UNC13C: variants seen among roughly 807,000 people sequenced by gnomAD.
UNC13C encodes unc-13 homolog C.
Under a neutral mutation model 245.4 loss-of-function variants are expected in UNC13C, and 174 were observed. That is an observed-to-expected ratio of 0.71 (90% CI 0.63 to 0.80). UNC13C has a LOEUF of 0.80. Among genes scored for constraint, UNC13C ranks in the 30% least tolerant of loss-of-function variants. The pLI, the probability that UNC13C is intolerant of heterozygous loss-of-function variation, is 0.00. For synonymous variants in UNC13C, 992 were observed against 895.1 expected (o/e 1.11, Z -1.93); for missense variants, 2,829 against 2,602.9 (o/e 1.09, Z -1.89).
chr15:54,103,273 T>C (rs1352005053), intron 2 of UNC13C, among the ~76,000 whole-genome samples: 1 of 152,194 alleles, frequency 6.6e-6, no homozygotes, highest in Non-Finnish European at 1.5e-5. Context: ...ACACCTGTTC[T>C]CTCACACTTA....
At chr15:54,112,256 G>A (rs545500519) in intron 2 of UNC13C, among the ~76,000 whole-genome samples, 5 of 152,254 alleles carry the variant, frequency 3.3e-5, no homozygotes, top group African/African-American at 4.8e-5. Flanking sequence ...GTTAAGAGCC[G>A]AGGTTTAATA....
intron 19 of UNC13C, among the ~76,000 whole-genome samples, chr15:54,477,960 G>A (rs1021066662): frequency 3.4e-5 from 5 of 146,512 alleles, no homozygotes; most frequent in Non-Finnish European, 6.0e-5. Context: ...TGGTTGGTAA[G>A]CTGTTGATTA....
intron 2 of UNC13C, among the ~76,000 whole-genome samples, chr15:54,051,332 T>C (rs1031866650): frequency 3.5e-4 from 54 of 152,180 alleles, no homozygotes; most frequent in African/African-American, 1.3e-3. Flanking sequence ...TTCCAAATGA[T>C]TATAGAGTGT....
chr15:54,296,756 A>G (rs1191224384), intron 11 of UNC13C, among the ~76,000 whole-genome samples: 1 of 152,186 alleles, frequency 6.6e-6, no homozygotes, highest in East Asian at 1.9e-4. Flanking sequence ...AGTCCTCCGC[A>G]CTGACTTTGT....
chr15:54,220,477 A>G (rs1271091358), intron 4 of UNC13C, among the ~76,000 whole-genome samples: 2 of 150,564 alleles, frequency 1.3e-5, no homozygotes, highest in Non-Finnish European at 3.0e-5. Context: ...GGATAGCATT[A>G]GGAGATACAC....
chr15:54,518,136 TAAG>T (rs1421464189), intron 24 of UNC13C, among the ~76,000 whole-genome samples: 1 of 152,136 alleles, frequency 6.6e-6, no homozygotes, highest in Non-Finnish European at 1.5e-5. Flanking sequence ...AATGGAAAAT[TAAG>T]AGAATAATAA....
At chr15:54,505,109 C>A (rs1247378415) in intron 22 of UNC13C, among the ~76,000 whole-genome samples, 1 of 152,070 alleles carries the variant, frequency 6.6e-6, no homozygotes, top group East Asian at 1.9e-4. Context: ...GTAAAAGAGC[C>A]CTCTACTCCT....
At chr15:53,901,489 G>A in the UNC13C span, among the ~76,000 whole-genome samples, 8,045 of 151,978 alleles carry the variant, frequency 0.053, 752 homozygotes, top group African/African-American at 0.18. Context: ...GCCTCCCAAA[G>A]TGCTGGGATT....
the UNC13C span, among the ~76,000 whole-genome samples, chr15:53,958,582 A>T: frequency 6.6e-6 from 1 of 152,210 alleles, no homozygotes; most frequent in Non-Finnish European, 1.5e-5. Context: ...TAGTGGAATT[A>T]TGATGATAAG....
At chr15:54,053,857 T>A (rs1897380529) in intron 2 of UNC13C, among the ~76,000 whole-genome samples, 1 of 152,198 alleles carries the variant, frequency 6.6e-6, no homozygotes, top group Non-Finnish European at 1.5e-5. Context: ...ATTGTTTGAA[T>A]TTTTAGCTCC....
Position 54,354,944 on chromosome 15 carries a change from A to G in UNC13C, c.4713+16455A>G, listed in dbSNP as rs996214626. ...CACAAGGGCTCTGCCCACATGAATA[A>G]ATTATTTCATTTATGAATTATTGTG... On this transcript the variant is annotated intron_variant, in intron 17 of 32. Transcript: ENST00000260323. Among the ~76,000 whole-genome samples, 4 of 152,272 alleles carry G rather than the reference A, an allele frequency of 2.6e-5. No homozygotes were observed. The East Asian group carries it at 7.7e-4, about 29-fold the overall frequency.
At chr15:53,906,285 C>T in the UNC13C span, among the ~76,000 whole-genome samples, 1 of 152,170 alleles carries the variant, frequency 6.6e-6, no homozygotes. Context: ...GTGACTGCAC[C>T]ACTGCACTCC....
At chr15:54,049,751 A>T in intron 2 of UNC13C, 1 of 247,370 alleles carries the variant, frequency 4.0e-6, no homozygotes. Flanking sequence ...GTAAGTGTAA[A>T]GTATGAAATA....
chr15:53,900,210 AT>A, the UNC13C span, among the ~76,000 whole-genome samples: 1 of 152,104 alleles, frequency 6.6e-6, no homozygotes, highest in Admixed American at 6.6e-5. Flanking sequence ...ATTTTTTAGT[AT>A]TAAAATATAG....
chr15:54,540,325 G>A (rs1896187352), intron 26 of UNC13C, among the ~76,000 whole-genome samples: 1 of 152,036 alleles, frequency 6.6e-6, no homozygotes, highest in Non-Finnish European at 1.5e-5. Flanking sequence ...AAACAACTAG[G>A]TAAATTTTCA....
the UNC13C span, chr15:53,912,243 C>G: frequency 6.6e-6 from 1 of 152,212 alleles, no homozygotes; most frequent in African/African-American, 2.4e-5. Flanking sequence ...CCAGCCCCAC[C>G]TGGAAACTTT....
intron 26 of UNC13C, among the ~76,000 whole-genome samples, chr15:54,535,080 G>A (rs1478585596): frequency 1.3e-5 from 2 of 151,938 alleles, no homozygotes; most frequent in African/African-American, 4.8e-5. Flanking sequence ...AATATAAATG[G>A]ACTAAATGTC....
chr15:54,152,614 T>G (rs950398262), intron 4 of UNC13C, among the ~76,000 whole-genome samples: 2 of 152,146 alleles, frequency 1.3e-5, no homozygotes, highest in African/African-American at 4.8e-5. Flanking sequence ...AAGGCAGTGT[T>G]TGAGTCGTCA....
At chr15:54,512,558 A>G (rs1221353744) in intron 24 of UNC13C, among the ~76,000 whole-genome samples, 2 of 152,092 alleles carry the variant, frequency 1.3e-5, no homozygotes, top group Non-Finnish European at 2.9e-5. Context: ...TCATAAACTG[A>G]CCTAAGCATT....
Sources: allele counts gnomAD v4.1 joint callset (sites outside exome capture counted in the v4.1 genomes callset), GRCh38; gene constraint gnomAD v4.1.1; transcripts MANE v1.5; gene names NCBI Gene and HGNC (gene_info 2026-07-23, HGNC 2026-07-21).